DNM3: variants seen among roughly 807,000 people sequenced by gnomAD.
DNM3 encodes the protein dynamin-3.
In DNM3, 47 loss-of-function variants were observed where a neutral mutation model predicts 101.6. The observed-to-expected ratio is 0.46, with a 90% CI of 0.37 to 0.59. The LOEUF (loss-of-function observed/expected upper bound fraction) is 0.59. Ranked by LOEUF, DNM3 falls within the 20% of genes least tolerant of loss-of-function variation. The pLI, the probability that DNM3 is intolerant of heterozygous loss-of-function variation, is 0.00. For synonymous variants in DNM3, 385 were observed against 387.9 expected, an observed-to-expected ratio of 0.99 and a Z score of 0.09; for missense variants, 849 against 1,085.7, an observed-to-expected ratio of 0.78 and a Z score of 3.06.
chr1:172,356,721 A>G (rs1318786427), intron 17 of DNM3, among the ~76,000 whole-genome samples: 1 of 152,014 alleles, frequency 6.6e-6, no homozygotes, highest in Non-Finnish European at 1.5e-5. Flanking sequence ...GTTTCTCTCC[A>G]CCCACATGCT....
chr1:172,394,761 G>A (rs2149095719), intron 20 of DNM3, among the ~76,000 whole-genome samples: 2 of 152,314 alleles, frequency 1.3e-5, no homozygotes, highest in Admixed American at 1.3e-4. Context: ...AGTGAAAAAT[G>A]CACAGTAGAG....
intron 2 of DNM3, among the ~76,000 whole-genome samples, chr1:171,928,229 G>T (rs913420544): frequency 2.0e-5 from 3 of 152,176 alleles, no homozygotes; most frequent in Non-Finnish European, 2.9e-5. Context: ...CACAGTTGCA[G>T]CTCTGTTCCC....
intron 2 of DNM3, among the ~76,000 whole-genome samples, chr1:171,957,445 G>A (rs2042938883): frequency 6.6e-6 from 1 of 152,046 alleles, no homozygotes; most frequent in African/African-American, 2.4e-5. Flanking sequence ...TGATCTGCCT[G>A]CCTCAGCCTC....
At chr1:172,389,385 T>C (rs2069389826) in intron 20 of DNM3, among the ~76,000 whole-genome samples, 1 of 151,502 alleles carries the variant, frequency 6.6e-6, no homozygotes, top group African/African-American at 2.5e-5. Flanking sequence ...TCACTAATCA[T>C]ATATAAGATA....
chr1:172,412,777 A>C, downstream of DNM3: 1 of 969,234 alleles, frequency 1.0e-6, no homozygotes. Context: ...GTAATACCTG[A>C]GACTTCTAAA....
chr1:172,316,789 G>A (rs2065385409), intron 16 of DNM3, among the ~76,000 whole-genome samples: 2 of 152,014 alleles, frequency 1.3e-5, no homozygotes, highest in African/African-American at 4.8e-5. Context: ...CAATAATAAT[G>A]GGAGACTTTA....
intron 2 of DNM3, among the ~76,000 whole-genome samples, chr1:171,982,830 A>G (rs968271705): frequency 3.9e-5 from 6 of 152,210 alleles, no homozygotes; most frequent in Admixed American, 3.9e-4. Flanking sequence ...TCAGACAAAT[A>G]TGATCAATCT....
chr1:172,048,776 A>T, intron 10 of DNM3, 26 bp downstream of exon 10: 1 of 1,606,344 alleles, frequency 6.2e-7, no homozygotes, highest in South Asian at 1.1e-5. Flanking sequence ...TTAACTTTCC[A>T]GTACGTGGCT....
intron 10 of DNM3, among the ~76,000 whole-genome samples, chr1:172,061,622 C>G (rs990643832): frequency 1.3e-5 from 2 of 148,812 alleles, no homozygotes; most frequent in African/African-American, 5.0e-5. Context: ...ACTGCATATT[C>G]TCACTCATAG....
chr1:172,092,093 T>C lies in DNM3; in HGVS notation c.1494-731T>C, dbSNP rs114879313. Among the ~76,000 whole-genome samples, 851 of 152,244 alleles carry C rather than the reference T, an allele frequency of 5.6e-3. 6 individuals are homozygous for C. Among genetic ancestry groups the C allele is most frequent in the African/African-American group, 0.02 (817 of 41,540 alleles). On this transcript the variant is annotated intron_variant, in intron 12 of 20. Coordinates refer to ENST00000627582, the MANE Select transcript of DNM3 (RefSeq NM_015569.5). Reference sequence around the variant, plus strand: ...GGAAGACTGTGGGTGGAACAGATTTTAGGGGGGATTTCAGGAGTTTAGTTT... The same window carrying C: ...GGAAGACTGTGGGTGGAACAGATTTCAGGGGGGATTTCAGGAGTTTAGTTT...
intron 17 of DNM3, among the ~76,000 whole-genome samples, chr1:172,365,443 A>G (rs1033465999): frequency 3.9e-5 from 6 of 151,958 alleles, no homozygotes; most frequent in African/African-American, 1.4e-4. Context: ...GTAGTCAGTC[A>G]TTGATGTTAA....
intron 2 of DNM3, among the ~76,000 whole-genome samples, chr1:171,937,086 A>C (rs1371923328): frequency 1.3e-5 from 2 of 152,234 alleles, no homozygotes; most frequent in East Asian, 3.8e-4. Context: ...ATTTCTGTAC[A>C]ATGTCAAGGA....
At chr1:171,883,853 G>A (rs1237162018) in intron 1 of DNM3, among the ~76,000 whole-genome samples, 1 of 152,168 alleles carries the variant, frequency 6.6e-6, no homozygotes, top group Admixed American at 6.5e-5. Context: ...TCATAAACCA[G>A]TAATTAAAGT....
At chr1:172,120,539 A>G (rs2056240997) in intron 13 of DNM3, among the ~76,000 whole-genome samples, 1 of 152,138 alleles carries the variant, frequency 6.6e-6, no homozygotes, top group Non-Finnish European at 1.5e-5. Context: ...AAATTACATG[A>G]CTAAGTGTTG....
At chr1:172,109,497 A>G (rs751702783) in intron 13 of DNM3, among the ~76,000 whole-genome samples, 3 of 152,270 alleles carry the variant, frequency 2.0e-5, no homozygotes, top group Non-Finnish European at 2.9e-5. Context: ...TCCAAATATT[A>G]TCTCCTATAA....
intron 16 of DNM3, chr1:172,309,426 C>T (rs1369115571): frequency 6.6e-6 from 1 of 152,198 alleles, no homozygotes; most frequent in South Asian, 2.1e-4. Flanking sequence ...AATAAACAGA[C>T]CTTTTCTTTG....
At chr1:172,078,351 C>A (rs867852817) in intron 11 of DNM3, among the ~76,000 whole-genome samples, 5 of 152,122 alleles carry the variant, frequency 3.3e-5, no homozygotes, top group Admixed American at 6.5e-5. Context: ...CTTGGCCTCC[C>A]AAAGTGCTGG....
Position 172,304,206 on chromosome 1 carries a change from C to CAAAAAAAAA in DNM3, c.1770-4514_1770-4506dup, listed in dbSNP as rs575733774. 1.5e-3 allele frequency among the ~76,000 whole-genome samples: 56 copies of CAAAAAAAAA among 36,378 alleles called. 7 individuals are homozygous for CAAAAAAAAA. The highest frequency in any genetic ancestry group is 8.7e-3 in the African/African-American group (42 of 4,836). 23.9% of individuals were successfully genotyped at this position (36,378 alleles called of 152,430 possible). A position where few individuals can be genotyped will look rare whatever the true frequency, so the allele number is the denominator to read the frequency against. ...GAATATCTACCATGCAAAAGGAAAGCAAAAAAAAAAAAAAAACAGGAGTTG... is the reference window on the plus strand; with the variant it reads ...GAATATCTACCATGCAAAAGGAAAGCAAAAAAAAAAAAAAAAAAAAAAAAACAGGAGTTG... On this transcript the variant is annotated intron_variant, in intron 15 of 20. Transcript: ENST00000627582.
intron 11 of DNM3, among the ~76,000 whole-genome samples, chr1:172,076,295 A>G (rs1325327196): frequency 1.3e-5 from 2 of 152,136 alleles, no homozygotes; most frequent in African/African-American, 4.8e-5. Context: ...TTTTTATTTG[A>G]ATATCCTTTA....
Sources: allele counts gnomAD v4.1 joint callset (sites outside exome capture counted in the v4.1 genomes callset), GRCh38; gene constraint gnomAD v4.1.1; transcripts MANE v1.5; gene names NCBI Gene and HGNC (gene_info 2026-07-23, HGNC 2026-07-21).